AHCY: variants seen among roughly 807,000 people sequenced by gnomAD.
AHCY encodes S-adenosyl-L-homocysteine hydrolase.
A neutral mutation model predicts 45.4 loss-of-function variants in AHCY; 24 were observed. The observed-to-expected ratio is 0.53, with a 90% CI of 0.38 to 0.74. AHCY has a LOEUF of 0.74. Among genes scored for constraint, AHCY ranks in the 30% least tolerant of loss-of-function variants. AHCY has a pLI of 0.00. For missense variants in AHCY, 449 were observed against 594.1 expected, an observed-to-expected ratio of 0.76 and a Z score of 2.54; for synonymous variants, 245 against 235.1, an observed-to-expected ratio of 1.04 and a Z score of -0.39.
At chr20:34,252,629 C>A in the AHCY span, among the ~76,000 whole-genome samples, 26 of 152,110 alleles carry the variant, frequency 1.7e-4, no homozygotes, top group Non-Finnish European at 2.8e-4. Flanking sequence ...AGACAGATGC[C>A]TTCCTCTTAT....
At chr20:34,265,080 C>T in the AHCY span, among the ~76,000 whole-genome samples, 1 of 152,096 alleles carries the variant, frequency 6.6e-6, no homozygotes, top group Admixed American at 6.5e-5. Context: ...CCTGCATTAG[C>T]CACCATGCCC....
the AHCY span, among the ~76,000 whole-genome samples, chr20:34,261,930 T>A: frequency 8.6e-5 from 13 of 151,806 alleles, no homozygotes; most frequent in Non-Finnish European, 1.5e-4. Flanking sequence ...CTGGCCAACA[T>A]GGCAAAACCC....
downstream of AHCY, among the ~76,000 whole-genome samples, chr20:34,277,148 G>A (rs1400700862): frequency 6.6e-6 from 1 of 152,094 alleles, no homozygotes; most frequent in African/African-American, 2.4e-5. Flanking sequence ...GACTGAAAAG[G>A]GATCCCAGCA....
chr20:34,269,180 C>A, the AHCY span: 8 of 1,491,688 alleles, frequency 5.4e-6, no homozygotes, highest in Non-Finnish European at 3.6e-6. Flanking sequence ...GCCCCCACTC[C>A]CGGCCGCGAG....
At chr20:34,302,977 C>A (rs1330501080) in intron 1 of AHCY, 3 of 985,342 alleles carry the variant, frequency 3.0e-6, no homozygotes. Flanking sequence ...CCGCGGAGCA[C>A]GCCGCCAGTT....
chr20:34,289,472 CTTTTTTT>C (rs762670836), intron 8 of AHCY, among the ~76,000 whole-genome samples: 1 of 106,370 alleles, frequency 9.4e-6, no homozygotes, highest in African/African-American at 4.0e-5. Flanking sequence ...TGTACCTGGC[CTTTTTTT>C]TTTTTTTTTT....
the AHCY span, among the ~76,000 whole-genome samples, chr20:34,252,637 T>C: frequency 6.6e-6 from 1 of 152,166 alleles, no homozygotes; most frequent in Non-Finnish European, 1.5e-5. Flanking sequence ...GCCTTCCTCT[T>C]ATCTCAACTG....
At chr20:34,275,843 A>AT (rs1021194590), downstream of AHCY, among the ~76,000 whole-genome samples, 120 of 147,348 alleles carry the variant, frequency 8.1e-4, no homozygotes, top group African/African-American at 2.0e-3. Context: ...TGCCCGGCTA[A>AT]TTTTTTTTTT....
At chr20:34,258,700 A>ATATATATATATACACACACACATAC in the AHCY span, among the ~76,000 whole-genome samples, 3 of 77,918 alleles carry the variant, frequency 3.9e-5, 1 homozygote, top group East Asian at 5.2e-4. Context: ...TACATACTAT[A>ATATATATATATACACACACACATAC]TATATATATT....
At chr20:34,254,659 A>T in the AHCY span, among the ~76,000 whole-genome samples, 1 of 152,284 alleles carries the variant, frequency 6.6e-6, no homozygotes. Flanking sequence ...TAATATTTTC[A>T]TTATAGGGTT....
the AHCY span, among the ~76,000 whole-genome samples, chr20:34,275,192 G>C: frequency 6.7e-6 from 1 of 149,510 alleles, no homozygotes; most frequent in Non-Finnish European, 1.5e-5. Context: ...GAGTGCAGTG[G>C]CTTGATCTCC....
the AHCY span, chr20:34,269,286 T>C: frequency 1.6e-6 from 2 of 1,276,678 alleles, no homozygotes; most frequent in Non-Finnish European, 2.1e-6. Flanking sequence ...TTCCAGGAGA[T>C]GGGACTTCAG....
the AHCY span, among the ~76,000 whole-genome samples, chr20:34,250,751 C>T: frequency 6.6e-6 from 1 of 152,092 alleles, no homozygotes; most frequent in Non-Finnish European, 1.5e-5. Flanking sequence ...GCCTCTTCTT[C>T]CATTCTCATC....
At chr20:34,301,195 A>G (rs1383084929) in intron 1 of AHCY, among the ~76,000 whole-genome samples, 1 of 152,150 alleles carries the variant, frequency 6.6e-6, no homozygotes, top group East Asian at 1.9e-4. Context: ...GCAGCCAGGC[A>G]GGGCTAGAGC....
At chr20:34,273,816 G>C in the AHCY span, among the ~76,000 whole-genome samples, 3 of 152,120 alleles carry the variant, frequency 2.0e-5, no homozygotes, top group Non-Finnish European at 4.4e-5. Context: ...TCAGGAAGGA[G>C]GAAAAGGAAT....
At chr20:34,294,218 G>C in intron 2 of AHCY, 62 bp from the exon 3 acceptor site, 1 of 1,503,240 alleles carries the variant, frequency 6.7e-7, no homozygotes, top group Non-Finnish European at 9.2e-7. Flanking sequence ...CAGGGACGCT[G>C]GGCGAGGAAA....
At chr20:34,261,188 G>A in the AHCY span, among the ~76,000 whole-genome samples, 1 of 152,140 alleles carries the variant, frequency 6.6e-6, no homozygotes, top group Admixed American at 6.6e-5. Context: ...TACTACCTCG[G>A]CTTTTGCTAG....
At chr20:34,235,868 AGGAAG>A in the AHCY span, among the ~76,000 whole-genome samples, 1 of 26,612 alleles carries the variant, frequency 3.8e-5, no homozygotes, top group Non-Finnish European at 6.0e-5. Flanking sequence ...AAGGAAGGAA[AGGAAG>A]GAAGGAAGGA....
chr20:34,270,633 C>A, the AHCY span, among the ~76,000 whole-genome samples: 1 of 152,200 alleles, frequency 6.6e-6, no homozygotes, highest in African/African-American at 2.4e-5. Context: ...GAAGACCAAC[C>A]CATTCATTCA....
Sources: gnomAD v4.1 joint callset for allele counts (sites outside exome capture counted in the v4.1 genomes callset) on GRCh38, gnomAD v4.1.1 for gene constraint, MANE v1.5 for transcripts, NCBI Gene and HGNC (gene_info 2026-07-23, HGNC 2026-07-21) for gene names.